Variants in C5orf46 observed in about 807,000 individuals in gnomAD.
C5orf46 encodes the protein uncharacterized protein C5orf46.
Under a neutral mutation model 8.9 loss-of-function variants are expected in C5orf46, and 9 were observed. That is an observed-to-expected ratio of 1.01 (90% CI 0.61 to 1.76). C5orf46 has a LOEUF of 1.76. Among genes scored for constraint, C5orf46 ranks in the 40% most tolerant of loss-of-function variants. The probability of loss-of-function intolerance (pLI) is 0.00; values close to 1 mark genes in which losing one functional copy is unlikely to be tolerated. For synonymous variants in C5orf46, 47 were observed against 41.4 expected, an observed-to-expected ratio of 1.14 and a Z score of -0.52; for missense variants, 98 against 107.8, an observed-to-expected ratio of 0.91 and a Z score of 0.40.
intron 1 of C5orf46, 49 bp from the exon 2 acceptor site, chr5:147,901,822 A>G: frequency 1.9e-6 from 3 of 1,580,130 alleles, no homozygotes; most frequent in African/African-American, 1.3e-5. Context: ...CAAAGAAGGA[A>G]TCATTCTTTC....
rs141587361 is a variant in C5orf46, at chr5:147,886,609, T to C, written n.205-5515A>G. The C allele has an allele frequency of 1.7e-3, 259 of 151,304 alleles. 1 individual carries two copies. The highest frequency in any genetic ancestry group is 6.0e-3 in the African/African-American group (248 of 41,408). 9.4% of individuals were successfully genotyped at this position (151,304 alleles called of 1,614,324 possible). A position where few individuals can be genotyped will look rare whatever the true frequency, so the allele number is the denominator to read the frequency against. ...AAATTAGAGGAAACCACTGTTCACA[T>C]TGATGTGCTTTTTTCAAGACATTTT... On this transcript the variant is annotated intron_variant and non_coding_transcript_variant, in intron 2 of 2. Coordinates refer to the C5orf46 transcript ENST00000510432.
chr5:147,893,835 A>G (rs1757541042), intron 3 of C5orf46, among the ~76,000 whole-genome samples: 2 of 152,128 alleles, frequency 1.3e-5, no homozygotes, highest in South Asian at 4.2e-4. Context: ...CTGTAATGGC[A>G]TGAGGCACTA....
chr5:147,900,364 C>A lies in C5orf46; in HGVS notation c.215+1265G>T, dbSNP rs1030255520. On this transcript the variant is annotated intron_variant, in intron 2 of 3. Coordinates refer to ENST00000318315, the MANE Select transcript of C5orf46 (RefSeq NM_206966.3). ...TTTAAGCAGATCAGAGATTACAAAACCCCTGATTACTCCTACATGGAAGTG... is the reference window on the plus strand; with the variant it reads ...TTTAAGCAGATCAGAGATTACAAAAACCCTGATTACTCCTACATGGAAGTG... 1.1e-4 allele frequency among the ~76,000 whole-genome samples: 17 copies of A among 152,114 alleles called. 1 individual carries two copies. The highest frequency in any genetic ancestry group is 1.6e-4 in the Non-Finnish European group (11 of 68,024).
rs895045697 is a variant in C5orf46, at chr5:147,892,751, T to C, written c.*198A>G. 2 of 152,240 alleles carry C rather than the reference T, an allele frequency of 1.3e-5. No individual in the cohort carries two copies. The highest frequency in any genetic ancestry group is 1.3e-4 in the Admixed American group (2 of 15,278). The allele number at this position is 152,240 out of a possible 1,614,324, so 9.4% of individuals were successfully genotyped here. A position where few individuals can be genotyped will look rare whatever the true frequency, so the allele number is the denominator to read the frequency against. ...TGATCCCAAAGCGCCATATTTATTC[T>C]AACTTTCTAAAAGCAAAAATGCAGT... is the stretch of plus-strand genomic sequence containing the variant. On this transcript the variant is annotated 3_prime_UTR_variant, in exon 4 of 4. Coordinates refer to ENST00000318315, the MANE Select transcript of C5orf46 (RefSeq NM_206966.3).
At chr5:147,902,543 T>C (rs944464591) in intron 1 of C5orf46, among the ~76,000 whole-genome samples, 2 of 152,208 alleles carry the variant, frequency 1.3e-5, no homozygotes, top group African/African-American at 4.8e-5. Context: ...TTGTCTTATT[T>C]TATCCTCATA....
intron 1 of C5orf46, among the ~76,000 whole-genome samples, chr5:147,905,901 G>A (rs1757743647): frequency 6.6e-6 from 1 of 152,184 alleles, no homozygotes; most frequent in South Asian, 2.1e-4. Flanking sequence ...ATAGCAGGTA[G>A]TATTTATTGC....
In C5orf46 at chr5:147,896,968, T is replaced by G. The variant is rs1381168891; in HGVS notation, c.*9+16A>C. 1.1e-5 allele frequency: 15 copies of G among 1,377,618 alleles called. No individual in the cohort carries two copies. The highest frequency in any genetic ancestry group is 1.3e-5 in the Non-Finnish European group (13 of 987,130). 85.3% of individuals were successfully genotyped at this position (1,377,618 alleles called of 1,614,324 possible). A position where few individuals can be genotyped will look rare whatever the true frequency, so the allele number is the denominator to read the frequency against. On this transcript the variant is annotated intron_variant, in intron 3 of 3. Coordinates refer to ENST00000318315, the MANE Select transcript of C5orf46 (RefSeq NM_206966.3). ...TACACTGTTATTTCAGTTGTAAATT[T>G]TAAGTGAAAAATCACCTGAGGATGT...
intron 1 of C5orf46, among the ~76,000 whole-genome samples, chr5:147,905,630 A>C (rs546590900): frequency 6.6e-6 from 1 of 152,182 alleles, no homozygotes; most frequent in Non-Finnish European, 1.5e-5. Context: ...ACAAACAGTA[A>C]ATTAATTAAT....
chr5:147,905,969 CATG>C (rs1016722529), intron 1 of C5orf46, among the ~76,000 whole-genome samples: 18 of 152,246 alleles, frequency 1.2e-4, no homozygotes, highest in African/African-American at 4.3e-4. Context: ...ATTTAATTTT[CATG>C]ATAACTTTAC....
downstream of C5orf46, among the ~76,000 whole-genome samples, chr5:147,890,286 A>G (rs1180306940): frequency 6.6e-6 from 1 of 152,192 alleles, no homozygotes; most frequent in Middle Eastern, 3.2e-3. Context: ...CCTTGGGTAG[A>G]AGCTCTATCA....
intron 2 of C5orf46, among the ~76,000 whole-genome samples, chr5:147,885,895 A>G (rs1757411411): frequency 6.6e-6 from 1 of 152,186 alleles, no homozygotes; most frequent in Non-Finnish European, 1.5e-5. Context: ...TGGTCATAAC[A>G]ATTTTATTTT....
At chr5:147,889,173 AG>A (rs1469216305), downstream of C5orf46, among the ~76,000 whole-genome samples, 2 of 152,168 alleles carry the variant, frequency 1.3e-5, no homozygotes, top group African/African-American at 4.8e-5. Flanking sequence ...GTCTATCAAT[AG>A]GGAAATAATG....
At chr5:147,906,350 A>G (rs1332721977) in intron 1 of C5orf46, 82 bp downstream of exon 1, 1 of 849,198 alleles carries the variant, frequency 1.2e-6, no homozygotes, top group Non-Finnish European at 1.8e-6. Flanking sequence ...TCTTTCTTTT[A>G]TGTTCTGAAT....
chr5:147,896,268 A>G (rs753462956), intron 3 of C5orf46, among the ~76,000 whole-genome samples: 8 of 152,182 alleles, frequency 5.3e-5, no homozygotes, highest in Non-Finnish European at 5.9e-5. Context: ...ATATAGCCAC[A>G]TTAGCAAACC....
At chr5:147,900,649 C>T (rs1156927286) in intron 2 of C5orf46, among the ~76,000 whole-genome samples, 2 of 152,134 alleles carry the variant, frequency 1.3e-5, no homozygotes, top group Non-Finnish European at 2.9e-5. Context: ...GCCTTGTCCC[C>T]AGAAAGATGC....
At chr5:147,900,709 A>G (rs1469671012) in intron 2 of C5orf46, among the ~76,000 whole-genome samples, 1 of 152,316 alleles carries the variant, frequency 6.6e-6, no homozygotes, top group East Asian at 1.9e-4. Context: ...CCCCCAAGGG[A>G]TTCTGTATCA....
At chr5:147,894,797 C>A (rs1323967416) in intron 3 of C5orf46, among the ~76,000 whole-genome samples, 1 of 151,066 alleles carries the variant, frequency 6.6e-6, no homozygotes, top group South Asian at 2.1e-4. Flanking sequence ...AATGGTGGCT[C>A]ACACCTGTAA....
chr5:147,896,228 A>G (rs1486823945), intron 3 of C5orf46, among the ~76,000 whole-genome samples: 3 of 152,214 alleles, frequency 2.0e-5, no homozygotes, highest in Non-Finnish European at 4.4e-5. Flanking sequence ...CAGGCTGCTT[A>G]AATTCAAATT....
chr5:147,888,565 G>A (rs1757455536), downstream of C5orf46, among the ~76,000 whole-genome samples: 1 of 152,072 alleles, frequency 6.6e-6, no homozygotes, highest in Non-Finnish European at 1.5e-5. Flanking sequence ...CTCCTTCATT[G>A]CCTTATGAAT....
Sources: allele counts gnomAD v4.1 joint callset (sites outside exome capture counted in the v4.1 genomes callset), GRCh38; gene constraint gnomAD v4.1.1; transcripts MANE v1.5; gene names NCBI Gene and HGNC (gene_info 2026-07-23, HGNC 2026-07-21).